RALYL: variants seen among roughly 807,000 people sequenced by gnomAD.
RALYL encodes the protein RNA-binding Raly-like protein.
A neutral mutation model predicts 35.1 loss-of-function variants in RALYL; 29 were observed. The ratio of observed to expected loss-of-function variants is 0.83; its 90% CI spans 0.61 to 1.13. The LOEUF is 1.13. Among genes scored for constraint, RALYL ranks in the 50% most tolerant of loss-of-function variants. RALYL has a pLI of 0.00. For missense variants in RALYL, 359 were observed against 360.4 expected, an observed-to-expected ratio of 1.00 and a Z score of 0.03; for synonymous variants, 120 against 127.6, an observed-to-expected ratio of 0.94 and a Z score of 0.40.
chr8:84,240,715 A>G (rs776094219), intron 1 of RALYL, among the ~76,000 whole-genome samples: 17 of 152,206 alleles, frequency 1.1e-4, no homozygotes, highest in Non-Finnish European at 2.4e-4. Flanking sequence ...GTAACTTTAA[A>G]ACACTTTCCA....
chr8:84,594,723 T>G (rs572285523), intron 2 of RALYL, among the ~76,000 whole-genome samples: 61 of 152,198 alleles, frequency 4.0e-4, no homozygotes, highest in African/African-American at 1.4e-3. Context: ...CATGTTAACG[T>G]GAATTTTTTT....
intron 2 of RALYL, among the ~76,000 whole-genome samples, chr8:84,633,168 T>A (rs1824292744): frequency 1.3e-5 from 2 of 151,820 alleles, no homozygotes; most frequent in South Asian, 4.1e-4. Flanking sequence ...AGAGGCTGAG[T>A]CTTTAGTAAA....
At chr8:84,329,006 G>A (rs778768644) in intron 1 of RALYL, among the ~76,000 whole-genome samples, 9 of 152,098 alleles carry the variant, frequency 5.9e-5, no homozygotes, top group Non-Finnish European at 1.0e-4. Context: ...CCAGTCTACC[G>A]GTGATGGACA....
chr8:84,740,581 G>A (rs1052483283), intron 2 of RALYL, among the ~76,000 whole-genome samples: 1 of 151,932 alleles, frequency 6.6e-6, no homozygotes, highest in Non-Finnish European at 1.5e-5. Flanking sequence ...ATACAGTATT[G>A]TTAGCTACAC....
chr8:84,369,753 C>T (rs1346067046), intron 1 of RALYL, among the ~76,000 whole-genome samples: 1 of 152,034 alleles, frequency 6.6e-6, no homozygotes, highest in East Asian at 1.9e-4. Context: ...TCACAGAATG[C>T]TTTAGTTTAA....
chr8:84,352,856 C>T (rs1419513123), intron 1 of RALYL, among the ~76,000 whole-genome samples: 6 of 150,034 alleles, frequency 4.0e-5, no homozygotes. Context: ...GAACATTGAG[C>T]TCTGGACTGC....
chr8:84,343,449 T>C (rs1849240471), intron 1 of RALYL, among the ~76,000 whole-genome samples: 1 of 152,038 alleles, frequency 6.6e-6, no homozygotes, highest in Non-Finnish European at 1.5e-5. Context: ...ATTGAAAAAC[T>C]GGAAGGCTAA....
At chr8:84,595,869 C>T (rs527640244) in intron 2 of RALYL, among the ~76,000 whole-genome samples, 3 of 150,364 alleles carry the variant, frequency 2.0e-5, no homozygotes, top group South Asian at 2.1e-4. Context: ...GAAAACCACA[C>T]GCTCATGGGA....
At chr8:84,619,390 G>A (rs957225927) in intron 2 of RALYL, among the ~76,000 whole-genome samples, 1 of 149,924 alleles carries the variant, frequency 6.7e-6, no homozygotes, top group Non-Finnish European at 1.5e-5. Flanking sequence ...TTTAAAGTCT[G>A]TTTTATCAGA....
At chr8:84,602,639 A>C in intron 2 of RALYL, among the ~76,000 whole-genome samples, 1 of 152,238 alleles carries the variant, frequency 6.6e-6, no homozygotes, top group Middle Eastern at 3.4e-3. Flanking sequence ...ACCTTGGTTT[A>C]GTTATCTAAT....
At chr8:84,555,019 G>A (rs62528223) in intron 2 of RALYL, among the ~76,000 whole-genome samples, 16,290 of 152,070 alleles carry the variant, frequency 0.11, 1,007 homozygotes, top group African/African-American at 0.13. Flanking sequence ...AGTGGCTCAC[G>A]CCTGTAATCC....
chr8:84,367,318 A>ATTTGTTTTTGTTTTTGTTTTTTTTTT (rs756622990), intron 1 of RALYL, among the ~76,000 whole-genome samples: 1 of 27,400 alleles, frequency 3.6e-5, no homozygotes, highest in Non-Finnish European at 9.9e-5. Flanking sequence ...TAATTTTTGT[A>ATTTGTTTTTGTTTTTGTTTTTTTTTT]TTTTTTTTTT....
intron 2 of RALYL, among the ~76,000 whole-genome samples, chr8:84,757,409 T>C (rs1811682964): frequency 6.6e-6 from 1 of 152,180 alleles, no homozygotes; most frequent in Admixed American, 6.5e-5. Flanking sequence ...GTACAGACAT[T>C]CATTCAAATT....
rs1033759103 is a variant in RALYL at position 84,200,452 on chromosome 8, A to G, written c.-24+16028A>G. Among the ~76,000 whole-genome samples, 277 of 152,258 alleles carry G rather than the reference A, an allele frequency of 1.8e-3. 2 individuals are homozygous for G. Among genetic ancestry groups the G allele is most frequent in the Non-Finnish European group, 1.2e-3 (81 of 67,972 alleles). On this transcript the variant is annotated intron_variant, in intron 1 of 8. Transcript: ENST00000521268. ...TTATATCTAATTTAGGATATTTTAT[A>G]TAGATTTTCATTAAAAGGAAGTGTC...
chr8:84,696,387 T>A (rs1358223482), intron 2 of RALYL, among the ~76,000 whole-genome samples: 1 of 151,918 alleles, frequency 6.6e-6, no homozygotes, highest in African/African-American at 2.4e-5. Flanking sequence ...GATTAGGTAG[T>A]CACAAGCTGA....
At chr8:84,273,665 A>T (rs996779164) in intron 1 of RALYL, among the ~76,000 whole-genome samples, 1 of 152,238 alleles carries the variant, frequency 6.6e-6, no homozygotes, top group Non-Finnish European at 1.5e-5. Context: ...ATTACTTGAC[A>T]TGTCATCCCT....
At chr8:84,630,188 G>A (rs1185989445) in intron 2 of RALYL, among the ~76,000 whole-genome samples, 1 of 152,016 alleles carries the variant, frequency 6.6e-6, no homozygotes, top group Non-Finnish European at 1.5e-5. Context: ...TTCAGAATGA[G>A]TAGAAGGCTC....
At chr8:84,581,517 T>C (rs1376558658) in intron 2 of RALYL, among the ~76,000 whole-genome samples, 1 of 152,158 alleles carries the variant, frequency 6.6e-6, no homozygotes, top group African/African-American at 2.4e-5. Context: ...ACATGTTAAG[T>C]ATCCTGCAGA....
rs559242501 is a variant in RALYL at position 84,695,272 on chromosome 8, A to C, written c.257-79307A>C. ...CATGGGCACCAACTCACAAACATACATCTCAGCTTACATTTTTATAATATC... is the reference window on the plus strand; with the variant it reads ...CATGGGCACCAACTCACAAACATACCTCTCAGCTTACATTTTTATAATATC... On this transcript the variant is annotated intron_variant, in intron 2 of 8. Coordinates refer to ENST00000521268, the MANE Select transcript of RALYL (RefSeq NM_173848.7). Among the ~76,000 whole-genome samples the C allele has an allele frequency of 2.6e-5, 4 of 151,866 alleles. No individual in the cohort carries two copies. The South Asian group carries it at 6.2e-4, about 24-fold the overall frequency.
Sources: gnomAD v4.1 joint callset for allele counts (sites outside exome capture counted in the v4.1 genomes callset) on GRCh38, gnomAD v4.1.1 for gene constraint, MANE v1.5 for transcripts, NCBI Gene and HGNC (gene_info 2026-07-23, HGNC 2026-07-21) for gene names.